The following PACRGL variants were observed in gnomAD, a reference collection of about 807,000 sequenced individuals.
PACRGL encodes the protein parkin coregulated like, also known as PACRG-like protein.
PACRGL carries 38 observed loss-of-function variants against 34.5 expected under a neutral mutation model. The ratio of observed to expected loss-of-function variants is 1.10; its 90% CI spans 0.85 to 1.44. The LOEUF (loss-of-function observed/expected upper bound fraction) is 1.44. Among genes scored for constraint, PACRGL ranks in the 40% most tolerant of loss-of-function variants. The pLI, the probability that PACRGL is intolerant of heterozygous loss-of-function variation, is 0.00. For synonymous variants in PACRGL, 128 were observed against 100.1 expected (o/e 1.28, Z -1.66); for missense variants, 305 against 281.4 (o/e 1.08, Z -0.60).
At chr4:20,722,882 C>A (rs553878751) in intron 7 of PACRGL, among the ~76,000 whole-genome samples, 1 of 152,304 alleles carries the variant, frequency 6.6e-6, no homozygotes, top group South Asian at 2.1e-4. Context: ...TGTCTGCATT[C>A]TTCTGTATTT....
intron 5 of PACRGL, among the ~76,000 whole-genome samples, chr4:20,711,578 C>T (rs1737219192): frequency 6.6e-6 from 1 of 151,060 alleles, no homozygotes; most frequent in South Asian, 2.1e-4. Context: ...ATATTTAGGT[C>T]TGAAGGACAA....
Position 20,727,343 on chromosome 4 carries a change from G to C in PACRGL, c.*2G>C, listed in dbSNP as rs17552929. 79,836 of 1,609,890 alleles carry C rather than the reference G, an allele frequency of 0.05. 2,143 individuals carry two copies. The highest frequency in any genetic ancestry group is 0.069 in the Middle Eastern group (415 of 6,056). On this transcript the variant is annotated 3_prime_UTR_variant, in exon 9 of 9. Transcript: ENST00000503585. ...ACATACTGCTCCATATGCTGTTGAA[G>C]AAGGGAGCCAACAAAAATTGTTTTT...
chr4:20,730,230 C>T lies in PACRGL; in HGVS notation c.*2889C>T. The T allele has an allele frequency of 7.3e-7, 1 of 1,371,980 alleles. No homozygotes were observed. Among genetic ancestry groups the T allele is most frequent in the Admixed American group, 2.6e-5 (1 of 38,276 alleles). 85.0% of individuals were successfully genotyped at this position (1,371,980 alleles called of 1,614,324 possible). A position where few individuals can be genotyped will look rare whatever the true frequency, so the allele number is the denominator to read the frequency against. On this transcript the variant is annotated 3_prime_UTR_variant, in exon 9 of 9. Transcript: ENST00000503585. ...TGCCTCCTCCCATCAACCACCTCAA[C>T]CACCTATGCCAAAAGCTCAAATATT...
At chr4:20,716,260 A>G (rs1739919641) in intron 7 of PACRGL, 2 of 723,862 alleles carry the variant, frequency 2.8e-6, no homozygotes, top group Non-Finnish European at 4.8e-6. Flanking sequence ...TAAGAGGCAC[A>G]TAGGGCAGGG....
chr4:20,716,953 G>C (rs1740364499), intron 7 of PACRGL, among the ~76,000 whole-genome samples: 1 of 152,238 alleles, frequency 6.6e-6, no homozygotes, highest in African/African-American at 2.4e-5. Context: ...CCCACCAACA[G>C]TGTAAAAGTG....
At chr4:20,712,662 A>C in intron 5 of PACRGL, 126 bp from the exon 6 acceptor site, 9 of 901,682 alleles carry the variant, frequency 1.0e-5, no homozygotes, top group Non-Finnish European at 1.4e-5. Context: ...TACTGAAATT[A>C]TAATCATGAT....
intron 7 of PACRGL, among the ~76,000 whole-genome samples, chr4:20,722,326 G>A (rs189512645): frequency 4.6e-5 from 7 of 152,246 alleles, no homozygotes; most frequent in South Asian, 2.1e-4. Context: ...CGCTATACCC[G>A]CTGTCCTGCA....
At chr4:20,725,046 GTC>G (rs1745039523) in intron 8 of PACRGL, among the ~76,000 whole-genome samples, 158 bp downstream of exon 8, 1 of 151,994 alleles carries the variant, frequency 6.6e-6, no homozygotes, top group African/African-American at 2.4e-5. Flanking sequence ...AAGAGTTTCT[GTC>G]TCTAGGTCAC....
At chr4:20,717,698 T>A (rs1215977203) in intron 7 of PACRGL, among the ~76,000 whole-genome samples, 1 of 152,228 alleles carries the variant, frequency 6.6e-6, no homozygotes. Flanking sequence ...TCAATATCTC[T>A]GTTTAGGTAC....
intron 5 of PACRGL, among the ~76,000 whole-genome samples, chr4:20,710,205 TTCTTTTGGAGAATAC>T (rs1736501509): frequency 6.6e-6 from 1 of 152,176 alleles, no homozygotes; most frequent in African/African-American, 2.4e-5. Context: ...TACCTAAATG[TTCTTTTGGAGAATAC>T]TCCAGCTCTT....
chr4:20,744,375 A>T (rs1471434401), intron 8 of PACRGL, among the ~76,000 whole-genome samples: 1 of 152,146 alleles, frequency 6.6e-6, no homozygotes, highest in Non-Finnish European at 1.5e-5. Context: ...TCCATCAATG[A>T]TAGACTGGAT....
chr4:20,749,628 T>G, intron 8 of PACRGL: 1 of 1,442,230 alleles, frequency 6.9e-7, no homozygotes, highest in Non-Finnish European at 9.7e-7. Flanking sequence ...AAACTCTAAA[T>G]AGTCAAATGA....
chr4:20,721,078 T>C (rs1560352916), intron 7 of PACRGL, among the ~76,000 whole-genome samples: 1 of 152,228 alleles, frequency 6.6e-6, no homozygotes, highest in African/African-American at 2.4e-5. Context: ...ATTCATTTGA[T>C]CTTCAATCAC....
At chr4:20,761,630 T>A in the PACRGL span, among the ~76,000 whole-genome samples, 4 of 152,160 alleles carry the variant, frequency 2.6e-5, no homozygotes, top group Non-Finnish European at 5.9e-5. Context: ...TAAAAGTTGA[T>A]GCTGATAAAG....
chr4:20,719,847 T>A (rs1742130076), intron 7 of PACRGL, among the ~76,000 whole-genome samples: 2 of 152,024 alleles, frequency 1.3e-5, no homozygotes, highest in African/African-American at 4.8e-5. Context: ...CTATTAGGTC[T>A]GCTTGGTGCA....
chr4:20,720,446 T>TTA (rs1272712757), intron 7 of PACRGL, among the ~76,000 whole-genome samples: 1 of 152,198 alleles, frequency 6.6e-6, no homozygotes, highest in Non-Finnish European at 1.5e-5. Context: ...ACAATTTGGC[T>TTA]TGTTTTTGCA....
chr4:20,738,443 T>C (rs1184304474), intron 8 of PACRGL, among the ~76,000 whole-genome samples: 1 of 152,118 alleles, frequency 6.6e-6, no homozygotes, highest in East Asian at 1.9e-4. Flanking sequence ...ATTCATTAGG[T>C]TGAAGTGGGA....
Position 20,729,296 on chromosome 4 carries a change from T to TCTTCAACTTCCACTTAATGATTGATA in PACRGL, c.*1958_*1983dup, listed in dbSNP as rs1747121598. The TCTTCAACTTCCACTTAATGATTGATA allele has an allele frequency of 6.6e-6, 1 of 152,390 alleles. No homozygotes were observed. Among genetic ancestry groups the TCTTCAACTTCCACTTAATGATTGATA allele is most frequent in the African/African-American group, 2.4e-5 (1 of 41,416 alleles). The allele number at this position is 152,390 out of a possible 1,614,324, so 9.4% of individuals were successfully genotyped here. A position where few individuals can be genotyped will look rare whatever the true frequency, so the allele number is the denominator to read the frequency against. The stretch of plus-strand genomic sequence containing the variant: ...AACATCCTTGTTTTGTTTGATGCCT[T>TCTTCAACTTCCACTTAATGATTGATA]CTTCAACTTCCACTTAATGATTGAT... On this transcript the variant is annotated 3_prime_UTR_variant, in exon 9 of 9. Coordinates refer to ENST00000503585, the MANE Select transcript of PACRGL (RefSeq NM_001258345.3).
At chr4:20,734,316 A>G (rs1373530634), downstream of PACRGL, among the ~76,000 whole-genome samples, 2 of 152,154 alleles carry the variant, frequency 1.3e-5, no homozygotes, top group African/African-American at 4.8e-5. Flanking sequence ...CTTCAGGCTA[A>G]ATGTTGAAAC....
Sources: gnomAD v4.1 joint callset for allele counts (sites outside exome capture counted in the v4.1 genomes callset) on GRCh38, gnomAD v4.1.1 for gene constraint, MANE v1.5 for transcripts, NCBI Gene and HGNC (gene_info 2026-07-23, HGNC 2026-07-21) for gene names.